The following TICRR variants were observed in gnomAD, a reference collection of about 807,000 sequenced individuals.
TICRR encodes the protein TOPBP1 interacting checkpoint and replication regulator.
A neutral mutation model predicts 178.1 loss-of-function variants in TICRR; 132 were observed. The observed-to-expected ratio is 0.74, with a 90% CI of 0.64 to 0.86. The LOEUF is 0.86. Ranked by LOEUF, TICRR falls within the 40% of genes least tolerant of loss-of-function variation. The probability of loss-of-function intolerance (pLI) is 0.00; values close to 1 mark genes in which losing one functional copy is unlikely to be tolerated. For missense variants in TICRR, 2,587 were observed against 2,334.3 expected (o/e 1.11, Z -2.23); for synonymous variants, 991 against 900.7 (o/e 1.10, Z -1.79).
At chr15:89,617,855 C>G (rs1963360342) in intron 16 of TICRR, among the ~76,000 whole-genome samples, 1 of 152,124 alleles carries the variant, frequency 6.6e-6, no homozygotes, top group Non-Finnish European at 1.5e-5. Flanking sequence ...CCACGCCCAG[C>G]TAATTTTTGT....
At chr15:89,587,741 G>C (rs1373407152) in intron 4 of TICRR, among the ~76,000 whole-genome samples, 1 of 152,148 alleles carries the variant, frequency 6.6e-6, no homozygotes, top group Non-Finnish European at 1.5e-5. Flanking sequence ...GGAATTGTGA[G>C]GGTAGAAGTG....
chr15:89,579,491 G>A (rs1044091357), intron 1 of TICRR, among the ~76,000 whole-genome samples: 45 of 151,712 alleles, frequency 3.0e-4, no homozygotes, highest in African/African-American at 9.5e-4. Flanking sequence ...GATTACAGGC[G>A]CTTGCCACCA....
In TICRR at chr15:89,624,520, G is replaced by A. The variant is rs144449176; in HGVS notation, c.4210G>A (p.Ala1404Thr). ...CGTGGAGTGTCAGCCTGATGCCTCC[G>A]CTACTCCTGGGGTTGGCACAGCTGA... Reference protein sequence around the residue: ...SIVECQPDASATPGVGTADSP... With the variant: ...SIVECQPDASTTPGVGTADSP... Residue 1404 changes from alanine (A) to threonine (T), a missense_variant, in exon 20 of 22, where the codon GCT becomes ACT. By Grantham distance (58) the Ala-to-Thr change is moderately conservative (BLOSUM62 0). Coordinates refer to ENST00000268138, the MANE Select transcript of TICRR (RefSeq NM_152259.4). 2.7e-5 allele frequency: 44 copies of A among 1,613,894 alleles called. No individual in the cohort carries two copies. The East Asian group carries it at 5.1e-4, about 19-fold the overall frequency.
intron 4 of TICRR, among the ~76,000 whole-genome samples, chr15:89,587,964 A>G (rs1962849525): frequency 6.6e-6 from 1 of 152,104 alleles, no homozygotes; most frequent in African/African-American, 2.4e-5. Flanking sequence ...AATGCAGGGG[A>G]TGGAGAGAAT....
chr15:89,626,108 T>A, intron 21 of TICRR, 47 bp downstream of exon 21: 2 of 1,597,522 alleles, frequency 1.3e-6, no homozygotes, highest in Non-Finnish European at 8.5e-7. Context: ...ACAGACTGTC[T>A]GAATTCACCA....
At position 89,625,113 on chromosome 15, in the gene TICRR, C is replaced by T. The variant is rs1963495369; in HGVS notation, c.4803C>T (p.Phe1601=). 6.2e-7 allele frequency: 1 copy of T among 1,613,698 alleles called. No homozygotes were observed. The highest frequency in any genetic ancestry group is 1.1e-5 in the South Asian group (1 of 91,090). Residue 1601 remains phenylalanine, a synonymous_variant, in exon 20 of 22, where the codon TTC becomes TTT. Coordinates refer to ENST00000268138, the MANE Select transcript of TICRR (RefSeq NM_152259.4). ...AGAGCTCTCTGGGAGAAGAGAGCTTCCTCCCTGCTCTCAGCATGCCCAGGG... is the reference window on the plus strand; with the variant it reads ...AGAGCTCTCTGGGAGAAGAGAGCTTTCTCCCTGCTCTCAGCATGCCCAGGG... ...KEESSLGEES[F]LPALSMPRAS...
chr15:89,580,033 C>G (rs1020132188), intron 1 of TICRR: 3 of 152,208 alleles, frequency 2.0e-5, no homozygotes, highest in African/African-American at 7.2e-5. Context: ...CACCCACCTC[C>G]CGAGACAGAG....
At chr15:89,586,071 A>G in intron 4 of TICRR, 129 bp downstream of exon 4, 1 of 633,122 alleles carries the variant, frequency 1.6e-6, no homozygotes, top group Non-Finnish European at 2.7e-6. Flanking sequence ...AAGCTATAAT[A>G]CTTCAGGCAG....
At chr15:89,600,433 T>C (rs1332843175) in intron 8 of TICRR, 152 bp from the exon 9 acceptor site, 1 of 444,722 alleles carries the variant, frequency 2.2e-6, no homozygotes, top group East Asian at 3.7e-5. Flanking sequence ...TTTTTAAAGA[T>C]ATAAAAGAAG....
Position 89,582,931 on chromosome 15 carries a change from A to C in TICRR, c.900A>C (p.Pro300=). Residue 300 remains proline, a synonymous_variant, in exon 2 of 22, where the codon CCA becomes CCC. Transcript: ENST00000268138. ...YNSPEYEASF[P]RMEGMLFLPV... Reference sequence around the variant, plus strand: ...CTCCTGAGTATGAGGCCTCGTTTCCACGAATGGAAGGAATGTTATTTCTCC... The same window carrying C: ...CTCCTGAGTATGAGGCCTCGTTTCCCCGAATGGAAGGAATGTTATTTCTCC... 2 of 1,613,876 alleles carry C rather than the reference A, an allele frequency of 1.2e-6. No individual in the cohort carries two copies. Among genetic ancestry groups the C allele is most frequent in the Non-Finnish European group, 1.7e-6 (2 of 1,179,892 alleles).
At chr15:89,577,251 CATTCTT>C (rs1962639686) in intron 1 of TICRR, among the ~76,000 whole-genome samples, 2 of 96 alleles carry the variant, frequency 0.021, no homozygotes, top group Non-Finnish European at 0.034. Context: ...TAAATGAGTA[CATTCTT>C]GCGTACATTC....
rs1467019893 is a variant in TICRR at position 89,604,521 on chromosome 15, G to A, written c.2664+1629G>A. 2.0e-5 allele frequency among the ~76,000 whole-genome samples: 3 copies of A among 152,148 alleles called. No homozygotes were observed. In the East Asian group the frequency reaches 5.8e-4, roughly 29 times the overall value. The stretch of plus-strand genomic sequence containing the variant: ...GGGCGCAGTGGTTCATGCCTATAAT[G>A]CCAGAACTTTGGGAGGCCAAGGCAG... On this transcript the variant is annotated intron_variant, in intron 13 of 21. Transcript: ENST00000268138.
chr15:89,575,512 G>T lies in TICRR; in HGVS notation c.-75G>T. 5 of 1,364,810 alleles carry T rather than the reference G, an allele frequency of 3.7e-6. No homozygotes were observed. The South Asian group carries it at 7.7e-5, about 21-fold the overall frequency. The allele number at this position is 1,364,810 out of a possible 1,614,324, so 84.5% of individuals were successfully genotyped here. On this transcript the variant is annotated 5_prime_UTR_variant, in exon 1 of 22. Transcript: ENST00000268138. ...CCAAAGGAAAGCAGTGAGTGGTGCT[G>T]TTTCCCTGAAGGAAGGGACTAAGGG...
intron 14 of TICRR, among the ~76,000 whole-genome samples, chr15:89,607,048 T>A (rs926136808): frequency 9.9e-5 from 15 of 151,176 alleles, no homozygotes; most frequent in Non-Finnish European, 2.1e-4. Context: ...AAAACAAAAT[T>A]AAAAAAAACA....
intron 15 of TICRR, among the ~76,000 whole-genome samples, chr15:89,613,460 A>G (rs1963284166): frequency 6.6e-6 from 1 of 152,202 alleles, no homozygotes; most frequent in East Asian, 1.9e-4. Flanking sequence ...TCTTTCATCA[A>G]ATATGGGTCA....
At chr15:89,607,190 G>A (rs1963188020) in intron 14 of TICRR, among the ~76,000 whole-genome samples, 1 of 152,060 alleles carries the variant, frequency 6.6e-6, no homozygotes, top group Admixed American at 6.6e-5. Flanking sequence ...AAAAATACTA[G>A]AAAGGATATT....
In TICRR at chr15:89,623,695, C is replaced by A; in HGVS notation, c.3385C>A (p.Gln1129Lys). 6.2e-7 allele frequency: 1 copy of A among 1,614,074 alleles called. No homozygotes were observed. The highest frequency in any genetic ancestry group is 1.6e-4 in the Middle Eastern group (1 of 6,062). ...ACCAAGAAGGATCTCTCATACACCA[C>A]AAACTCCGTTGTATACTCCAGAAAG... is the stretch of plus-strand genomic sequence containing the variant. Reference protein sequence around the residue: ...TTPRRISHTPQTPLYTPERLQ... With the variant: ...TTPRRISHTPKTPLYTPERLQ... Residue 1129 changes from glutamine (Q) to lysine (K), a missense_variant, in exon 20 of 22, where the codon CAA (glutamine) becomes AAA (lysine). Transcript: ENST00000268138.
chr15:89,623,463 T>C (rs972377491), intron 19 of TICRR, among the ~76,000 whole-genome samples, 160 bp from the exon 20 acceptor site: 1 of 152,248 alleles, frequency 6.6e-6, no homozygotes, highest in East Asian at 1.9e-4. Flanking sequence ...ATCTGAGTCA[T>C]GTTTTGGAGA....
At chr15:89,584,864 T>TAAG (rs919091777) in intron 3 of TICRR, among the ~76,000 whole-genome samples, 1 of 152,192 alleles carries the variant, frequency 6.6e-6, no homozygotes, top group Non-Finnish European at 1.5e-5. Flanking sequence ...TACTTTTATA[T>TAAG]AAGTATTTAA....
Sources: gnomAD v4.1 joint callset for allele counts (sites outside exome capture counted in the v4.1 genomes callset) on GRCh38, gnomAD v4.1.1 for gene constraint, MANE v1.5 for transcripts, NCBI Gene and HGNC (gene_info 2026-07-23, HGNC 2026-07-21) for gene names.